LINGO2: variants seen among roughly 807,000 people sequenced by gnomAD.
The protein encoded by LINGO2 is leucine-rich repeat and immunoglobulin-like domain-containing nogo receptor-interacting protein 2.
LINGO2 carries 14 observed loss-of-function variants against 30.6 expected under a neutral mutation model. The ratio of observed to expected loss-of-function variants is 0.46; its 90% confidence interval spans 0.30 to 0.72. The LOEUF (loss-of-function observed/expected upper bound fraction) is 0.72, where lower values mean the gene tolerates loss of function less well. LINGO2 is among the 30% of genes least tolerant of loss of function. The pLI is 0.07. For synonymous variants in LINGO2, 317 were observed against 288.5 expected (o/e 1.10, Z -1.00); for missense variants, 729 against 751.7 (o/e 0.97, Z 0.35).
rs879767572 is a variant in LINGO2 at position 27,974,753 on chromosome 9, C to T, written c.-35-24047G>A. Among the ~76,000 whole-genome samples the T allele has an allele frequency of 6.7e-4, 102 of 152,048 alleles. 1 individual carries two copies. The highest frequency in any genetic ancestry group is 2.1e-4 in the Non-Finnish European group (14 of 68,012). On this transcript the variant is annotated intron_variant, in intron 5 of 5. Coordinates refer to ENST00000379992, the Ensembl canonical transcript of LINGO2. ...AAGTCATTTAATTTATTCAATATTT[C>T]AGCCATCACTAAGATGAGAAAAGAA...
the LINGO2 span, among the ~76,000 whole-genome samples, chr9:28,736,632 A>G: frequency 6.6e-6 from 1 of 151,954 alleles, no homozygotes; most frequent in Admixed American, 6.6e-5. Flanking sequence ...CTCTACCAAA[A>G]ATACAAAAAA....
At chr9:28,890,347 G>T in the LINGO2 span, among the ~76,000 whole-genome samples, 1 of 152,026 alleles carries the variant, frequency 6.6e-6, no homozygotes, top group South Asian at 2.1e-4. Context: ...ATTAGGTTGT[G>T]CAGGTAAGCA....
chr9:28,151,433 C>T (rs753706299), intron 4 of LINGO2, among the ~76,000 whole-genome samples: 1 of 151,654 alleles, frequency 6.6e-6, no homozygotes, highest in East Asian at 1.9e-4. Context: ...ATTATATACA[C>T]ATATCAAAAG....
chr9:29,058,022 AAGC>A, the LINGO2 span, among the ~76,000 whole-genome samples: 35 of 152,144 alleles, frequency 2.3e-4, no homozygotes, highest in Non-Finnish European at 4.0e-4. Context: ...ACAGCATCTC[AAGC>A]ACAACAAGAC....
intron 1 of LINGO2, among the ~76,000 whole-genome samples, chr9:28,615,264 C>A (rs1331438708): frequency 6.6e-6 from 1 of 152,110 alleles, no homozygotes; most frequent in Non-Finnish European, 1.5e-5. Context: ...TATGTACACT[C>A]TAAATATTCA....
chr9:28,256,814 G>A (rs1014031003), intron 4 of LINGO2, among the ~76,000 whole-genome samples: 36 of 151,756 alleles, frequency 2.4e-4, no homozygotes, highest in Non-Finnish European at 3.4e-4. Context: ...ATACAAAGAA[G>A]TATAAAAATA....
At chr9:28,089,169 T>A (rs1362182942) in intron 4 of LINGO2, among the ~76,000 whole-genome samples, 1 of 151,998 alleles carries the variant, frequency 6.6e-6, no homozygotes, top group Non-Finnish European at 1.5e-5. Flanking sequence ...GACAGAAAGT[T>A]AACAAGGATA....
At chr9:28,434,821 G>A (rs1232786313) in intron 2 of LINGO2, among the ~76,000 whole-genome samples, 2 of 151,844 alleles carry the variant, frequency 1.3e-5, no homozygotes, top group South Asian at 2.1e-4. Context: ...CTTATCTATT[G>A]TTTTTAAAAG....
intron 1 of LINGO2, among the ~76,000 whole-genome samples, chr9:28,500,162 G>A (rs2135311285): frequency 6.6e-6 from 1 of 152,272 alleles, no homozygotes; most frequent in Non-Finnish European, 1.5e-5. Flanking sequence ...TGGGTCTTCT[G>A]ACTTTGAAGA....
chr9:28,587,560 C>T (rs1030378470), intron 1 of LINGO2, among the ~76,000 whole-genome samples: 1 of 151,816 alleles, frequency 6.6e-6, no homozygotes, highest in African/African-American at 2.4e-5. Context: ...CTGTAGGACA[C>T]CCAGGGCTTA....
chr9:28,647,991 G>A lies in LINGO2; in HGVS notation c.-365+22209C>T, dbSNP rs111348563. On this transcript the variant is annotated intron_variant, in intron 1 of 5. Transcript: ENST00000379992. The stretch of plus-strand genomic sequence containing the variant: ...AGACCAAGATGTAGACACATGTACC[G>A]TAAACAGAGGGCTGCACAATAGTGG... 4.1e-4 allele frequency among the ~76,000 whole-genome samples: 61 copies of A among 149,086 alleles called. 1 individual carries two copies. The highest frequency in any genetic ancestry group is 1.1e-3 in the African/African-American group (46 of 40,612).
chr9:28,054,276 G>C (rs116564143), intron 4 of LINGO2, among the ~76,000 whole-genome samples: 1 of 152,066 alleles, frequency 6.6e-6, no homozygotes, highest in Non-Finnish European at 1.5e-5. Context: ...TTCTTACTCA[G>C]TTCAACCAGC....
At chr9:29,153,721 G>A in the LINGO2 span, among the ~76,000 whole-genome samples, 1 of 152,062 alleles carries the variant, frequency 6.6e-6, no homozygotes, top group Non-Finnish European at 1.5e-5. Context: ...TGAAACTGAG[G>A]AAATATAAAT....
the LINGO2 span, among the ~76,000 whole-genome samples, chr9:28,956,832 T>C: frequency 7.0e-6 from 1 of 143,482 alleles, no homozygotes; most frequent in Non-Finnish European, 1.5e-5. Context: ...CTACTTAACA[T>C]AATAAAGATT....
At chr9:27,948,716 C>T (rs1242707317) in exon 6 of LINGO2, 1 of 1,033,896 alleles carries the variant, frequency 9.7e-7, no homozygotes, top group African/African-American at 1.6e-5. Context: ...TGGAAGTCCT[C>T]CTGCTTCCAT....
At chr9:28,533,927 C>A (rs891121864) in intron 1 of LINGO2, among the ~76,000 whole-genome samples, 1 of 152,110 alleles carries the variant, frequency 6.6e-6, no homozygotes, top group Non-Finnish European at 1.5e-5. Flanking sequence ...TGCTAGGTTA[C>A]AAATTAAATT....
intron 4 of LINGO2, among the ~76,000 whole-genome samples, chr9:28,234,179 C>T (rs560805940): frequency 6.6e-6 from 1 of 152,094 alleles, no homozygotes; most frequent in Non-Finnish European, 1.5e-5. Context: ...ATTTCTGGAC[C>T]TGCCCTGGGC....
At chr9:28,301,731 C>T (rs1472431143) in intron 3 of LINGO2, among the ~76,000 whole-genome samples, 1 of 152,106 alleles carries the variant, frequency 6.6e-6, no homozygotes, top group Non-Finnish European at 1.5e-5. Context: ...TGAGAAATGG[C>T]CTTTCAATTC....
intron 1 of LINGO2, among the ~76,000 whole-genome samples, chr9:28,547,382 T>G (rs1024993667): frequency 6.6e-6 from 1 of 152,080 alleles, no homozygotes; most frequent in Non-Finnish European, 1.5e-5. Context: ...AAATGTTCCA[T>G]TTGCATCTCT....
Sources: gnomAD v4.1 joint callset for allele counts (sites outside exome capture counted in the v4.1 genomes callset) on GRCh38, gnomAD v4.1.1 for gene constraint, MANE v1.5 for transcripts, NCBI Gene and HGNC (gene_info 2026-07-23, HGNC 2026-07-21) for gene names.